STS: variants seen among roughly 807,000 people sequenced by gnomAD.
STS encodes steryl-sulfatase.
Under a neutral mutation model 26.8 loss-of-function variants are expected in STS, and 7 were observed. The ratio of observed to expected loss-of-function variants is 0.26; its 90% CI spans 0.15 to 0.49. The LOEUF (loss-of-function observed/expected upper bound fraction) is 0.49, where lower values mean the gene tolerates loss of function less well. Among genes scored for constraint, STS ranks in the 20% least tolerant of loss-of-function variants. The probability of loss-of-function intolerance (pLI) is 0.98; values close to 1 mark genes in which losing one functional copy is unlikely to be tolerated. For synonymous variants in STS, 199 were observed against 189.4 expected (o/e 1.05, Z -0.42); for missense variants, 434 against 465.6 (o/e 0.93, Z 0.63).
intron 9 of STS, among the ~76,000 whole-genome samples, chrX:7,332,247 C>T (rs938326233): frequency 1.8e-5 from 2 of 108,976 alleles, no homozygotes; most frequent in Non-Finnish European, 3.8e-5. Flanking sequence ...AGGAGGATCG[C>T]TTGAGCCCAG....
intron 10 of STS, among the ~76,000 whole-genome samples, chrX:7,335,854 G>A (rs910380702): frequency 4.5e-5 from 5 of 111,585 alleles, no homozygotes; most frequent in Non-Finnish European, 9.4e-5. Flanking sequence ...AGCACCATTT[G>A]TTAAATAGGG....
chrX:7,328,941 C>A (rs1252851685), intron 9 of STS, among the ~76,000 whole-genome samples: 1 of 111,435 alleles, frequency 9.0e-6, no homozygotes, highest in Non-Finnish European at 1.9e-5. Flanking sequence ...GGTGATCCAC[C>A]CACCTCGGCC....
chrX:7,148,211 G>A (rs1187120038), intron 1 of STS, 128 bp downstream of exon 1: 5 of 477,574 alleles, frequency 1.0e-5, no homozygotes, highest in Non-Finnish European at 1.3e-5. Context: ...CGCGCCCGGG[G>A]TCGCTCTGCG....
intron 10 of STS, among the ~76,000 whole-genome samples, chrX:7,342,662 G>A (rs1196094928): frequency 8.9e-6 from 1 of 112,288 alleles, no homozygotes; most frequent in Non-Finnish European, 1.9e-5. Context: ...TACTGTCATC[G>A]ATTATATATC....
intron 1 of STS, among the ~76,000 whole-genome samples, chrX:7,174,172 AGG>A (rs1933522238): frequency 8.9e-6 from 1 of 111,801 alleles, no homozygotes. Flanking sequence ...GCGGCCCTAT[AGG>A]GTTTCTCTTT....
Position 7,354,536 on chromosome X carries a change from C to T in STS, c.*4275C>T, listed in dbSNP as rs1375146075. ...GAGGCCCTGAGCATTCTTGGTTTTC[C>T]GACATCGTGAACCTGTTCTGTGTTG... On this transcript the variant is annotated 3_prime_UTR_variant, in exon 11 of 11. Coordinates refer to ENST00000674429, the MANE Select transcript of STS (RefSeq NM_001320752.2). The T allele has an allele frequency of 8.9e-6, 1 of 111,973 alleles. No individual in the cohort carries two copies. The highest frequency in any genetic ancestry group is 1.9e-5 in the Non-Finnish European group (1 of 53,218). 9.2% of individuals were successfully genotyped at this position (111,973 alleles called of 1,213,427 possible). A position where few individuals can be genotyped will look rare whatever the true frequency, so the allele number is the denominator to read the frequency against.
intron 5 of STS, among the ~76,000 whole-genome samples, chrX:7,258,355 G>A (rs1190696172): frequency 9.2e-6 from 1 of 108,517 alleles, no homozygotes; most frequent in Non-Finnish European, 1.9e-5. Context: ...TGGATAGATA[G>A]ATAATGAGGC....
At chrX:7,238,852 T>C (rs1297813888) in intron 2 of STS, among the ~76,000 whole-genome samples, 1 of 110,351 alleles carries the variant, frequency 9.1e-6, no homozygotes, top group African/African-American at 3.3e-5. Flanking sequence ...GTTTTTAATT[T>C]AAAAAATTAA....
chrX:7,336,940 A>G (rs1928060895), intron 10 of STS, among the ~76,000 whole-genome samples: 1 of 111,432 alleles, frequency 9.0e-6, no homozygotes. Context: ...GAAAAACAAG[A>G]CCCAGTTTCT....
At chrX:7,228,842 A>G (rs899195411) in intron 2 of STS, among the ~76,000 whole-genome samples, 2 of 112,088 alleles carry the variant, frequency 1.8e-5, no homozygotes, top group Non-Finnish European at 3.8e-5. Context: ...TTACATTTTA[A>G]TTTGGATAAT....
chrX:7,294,646 A>G (rs1191139663), intron 7 of STS, among the ~76,000 whole-genome samples: 1 of 112,078 alleles, frequency 8.9e-6, no homozygotes, highest in East Asian at 2.8e-4. Context: ...CTATGCTACA[A>G]GATACTTTTA....
At chrX:7,209,873 G>C (rs759659356) in intron 2 of STS, among the ~76,000 whole-genome samples, 1 of 110,781 alleles carries the variant, frequency 9.0e-6, no homozygotes, top group Admixed American at 9.7e-5. Flanking sequence ...AGAACATGCG[G>C]TGTTTGGTTT....
intron 7 of STS, among the ~76,000 whole-genome samples, chrX:7,287,341 G>C (rs1925183029): frequency 9.0e-6 from 1 of 111,497 alleles, no homozygotes; most frequent in Admixed American, 9.6e-5. Context: ...TCCGCAGTAT[G>C]CAAAACCGAA....
intron 1 of STS, among the ~76,000 whole-genome samples, chrX:7,163,474 G>A (rs1458874430): frequency 8.9e-6 from 1 of 111,997 alleles, no homozygotes; most frequent in Non-Finnish European, 1.9e-5. Flanking sequence ...TGGGTCATTG[G>A]GCAAGCATTC....
In STS at chrX:7,281,349, C is replaced by T. The variant is rs750903652; in HGVS notation, c.943+5262C>T. 2.7e-5 allele frequency among the ~76,000 whole-genome samples: 3 copies of T among 111,960 alleles called. No homozygotes were observed. The Admixed American group carries it at 2.8e-4, about 11-fold the overall frequency. Reference sequence around the variant, plus strand: ...CAGTTGCTCAGGATTGGTAGCTTGGCATCCCCTGTTGGCTGAGCATGACAG... The same window carrying T: ...CAGTTGCTCAGGATTGGTAGCTTGGTATCCCCTGTTGGCTGAGCATGACAG... On this transcript the variant is annotated intron_variant, in intron 7 of 10. Transcript: ENST00000674429.
chrX:7,215,018 AT>A (rs1921221181), intron 2 of STS, among the ~76,000 whole-genome samples: 1 of 72,564 alleles, frequency 1.4e-5, no homozygotes, highest in Non-Finnish European at 2.7e-5. Flanking sequence ...ACGTATATAT[AT>A]ATATTATATA....
At chrX:7,150,262 C>T (rs1932985387) in intron 1 of STS, among the ~76,000 whole-genome samples, 1 of 111,792 alleles carries the variant, frequency 8.9e-6, no homozygotes, top group Non-Finnish European at 1.9e-5. Context: ...CACTCTGTCA[C>T]CCAGGCTGGA....
intron 2 of STS, among the ~76,000 whole-genome samples, chrX:7,218,769 G>C (rs954886372): frequency 3.6e-5 from 4 of 112,269 alleles, no homozygotes; most frequent in Non-Finnish European, 7.5e-5. Context: ...AAGGGTTCGG[G>C]TGGAATGCGA....
intron 5 of STS, 135 bp from the exon 6 acceptor site, chrX:7,259,214 A>G (rs1478494328): frequency 1.9e-5 from 12 of 634,228 alleles, no homozygotes; most frequent in Non-Finnish European, 2.0e-5. Context: ...GAAAAATTCT[A>G]GGGTCCTATG....
Sources: allele counts gnomAD v4.1 joint callset (sites outside exome capture counted in the v4.1 genomes callset), GRCh38; gene constraint gnomAD v4.1.1; transcripts MANE v1.5; gene names NCBI Gene and HGNC (gene_info 2026-07-23, HGNC 2026-07-21).